Variants in TRDN observed in about 807,000 individuals in gnomAD.
The protein encoded by TRDN is triadin.
Under a neutral mutation model 149.7 loss-of-function variants are expected in TRDN, and 161 were observed. That is an observed-to-expected ratio of 1.08 (90% CI 0.95 to 1.23). The LOEUF (loss-of-function observed/expected upper bound fraction) is 1.23, where lower values mean the gene tolerates loss of function less well. TRDN is among the 50% of genes most tolerant of loss of function. The pLI is 0.00. For synonymous variants in TRDN, 294 were observed against 250.5 expected, an observed-to-expected ratio of 1.17 and a Z score of -1.64; for missense variants, 896 against 823.5, an observed-to-expected ratio of 1.09 and a Z score of -1.08.
intron 12 of TRDN, among the ~76,000 whole-genome samples, chr6:123,400,685 G>T (rs1382149393): frequency 6.6e-6 from 1 of 152,156 alleles, no homozygotes; most frequent in Non-Finnish European, 1.5e-5. Flanking sequence ...ATATAAGGTA[G>T]AGAGAGTGCT....
At chr6:123,359,570 G>T (rs950918800) in intron 20 of TRDN, among the ~76,000 whole-genome samples, 2 of 152,180 alleles carry the variant, frequency 1.3e-5, no homozygotes, top group Non-Finnish European at 2.9e-5. Context: ...ATGAAGGCTT[G>T]AATTAGTATG....
At chr6:123,270,217 A>C (rs1389593562) in intron 30 of TRDN, among the ~76,000 whole-genome samples, 1 of 152,026 alleles carries the variant, frequency 6.6e-6, no homozygotes. Context: ...ACATTTACTA[A>C]AATTATAAAC....
chr6:123,274,375 TA>T (rs1270977930), intron 27 of TRDN, among the ~76,000 whole-genome samples: 3 of 152,158 alleles, frequency 2.0e-5, no homozygotes, highest in South Asian at 2.1e-4. Context: ...ATTAATTTCA[TA>T]AAAACCTTAG....
intron 10 of TRDN, among the ~76,000 whole-genome samples, chr6:123,455,843 C>T (rs887561390): frequency 5.3e-5 from 8 of 152,084 alleles, no homozygotes; most frequent in African/African-American, 1.9e-4. Flanking sequence ...CATAAAATTA[C>T]TGTTTCCATA....
chr6:123,501,963 T>A, intron 8 of TRDN: 2 of 985,094 alleles, frequency 2.0e-6, no homozygotes, highest in South Asian at 4.7e-5. Context: ...GGCTCCCAAA[T>A]CCCCAAAGAT....
intron 24 of TRDN, among the ~76,000 whole-genome samples, chr6:123,301,071 G>T (rs951664730): frequency 6.6e-6 from 1 of 151,824 alleles, no homozygotes; most frequent in African/African-American, 2.4e-5. Flanking sequence ...CTACTCTAAG[G>T]AATATGGAGT....
At chr6:123,467,579 T>C (rs947481223) in intron 9 of TRDN, among the ~76,000 whole-genome samples, 6 of 152,050 alleles carry the variant, frequency 3.9e-5, no homozygotes. Flanking sequence ...CCTGTCTCCA[T>C]GGTGACAGTG....
intron 21 of TRDN, among the ~76,000 whole-genome samples, chr6:123,345,452 A>C (rs759660455): frequency 1.3e-5 from 2 of 151,844 alleles, no homozygotes; most frequent in Non-Finnish European, 2.9e-5. Flanking sequence ...TACTGTCCTG[A>C]TTACTGTATT....
At chr6:123,570,350 A>C (rs1047265809) in intron 2 of TRDN, among the ~76,000 whole-genome samples, 2 of 152,234 alleles carry the variant, frequency 1.3e-5, no homozygotes, top group Non-Finnish European at 2.9e-5. Context: ...AGTTTAAAAT[A>C]TGTAAAATAT....
chr6:123,593,661 T>C (rs1783896385), intron 1 of TRDN, among the ~76,000 whole-genome samples: 2 of 152,180 alleles, frequency 1.3e-5, no homozygotes, highest in Non-Finnish European at 2.9e-5. Flanking sequence ...ATTTCCCCTT[T>C]CCATAAGGAT....
chr6:123,545,659 T>G (rs925345661), intron 4 of TRDN, among the ~76,000 whole-genome samples: 1 of 151,946 alleles, frequency 6.6e-6, no homozygotes, highest in Non-Finnish European at 1.5e-5. Context: ...AGGACATTAG[T>G]GCACATGTGT....
At chr6:123,423,048 A>G (rs1773976232) in intron 12 of TRDN, among the ~76,000 whole-genome samples, 7 of 152,182 alleles carry the variant, frequency 4.6e-5, no homozygotes, top group Admixed American at 4.6e-4. Context: ...CGTTATGGGT[A>G]GCTGTGTCTA....
chr6:123,501,845 G>A (rs1305519662), intron 8 of TRDN: 1 of 922,848 alleles, frequency 1.1e-6, no homozygotes, highest in Non-Finnish European at 1.3e-6. Flanking sequence ...ATATAATGCT[G>A]TCTTTAATAA....
intron 10 of TRDN, among the ~76,000 whole-genome samples, chr6:123,448,406 G>A (rs1775533099): frequency 6.6e-6 from 1 of 152,252 alleles, no homozygotes; most frequent in African/African-American, 2.4e-5. Flanking sequence ...GACATGGTGG[G>A]AGTGAGACTG....
intron 24 of TRDN, among the ~76,000 whole-genome samples, chr6:123,294,118 T>C (rs1433124173): frequency 6.6e-6 from 1 of 152,152 alleles, no homozygotes; most frequent in African/African-American, 2.4e-5. Context: ...GTTGGATTAT[T>C]TACCGGCTGA....
In TRDN at chr6:123,346,734, T is replaced by C. The variant is rs1562271629; in HGVS notation, c.1369+5805A>G. On this transcript the variant is annotated intron_variant, in intron 21 of 40. Transcript: ENST00000334268. The stretch of plus-strand genomic sequence containing the variant: ...CCATATTATATTTAATAGATATTTG[T>C]TGAGTGTCTCTTTTCTACTGAGAGC... Among the ~76,000 whole-genome samples the C allele has an allele frequency of 2.6e-5, 4 of 152,118 alleles. No individual in the cohort carries two copies. In the South Asian group the frequency reaches 8.3e-4, roughly 32 times the overall value.
intron 19 of TRDN, among the ~76,000 whole-genome samples, chr6:123,372,138 T>G (rs1781348923): frequency 6.6e-6 from 1 of 152,108 alleles, no homozygotes; most frequent in Non-Finnish European, 1.5e-5. Flanking sequence ...CGGAGACTTC[T>G]GCCATTTCCA....
intron 1 of TRDN, among the ~76,000 whole-genome samples, chr6:123,632,952 TA>T (rs752862481): frequency 1.3e-5 from 2 of 152,150 alleles, no homozygotes; most frequent in Non-Finnish European, 2.9e-5. Flanking sequence ...ATTTTTGCTC[TA>T]AATTTTGAAT....
At chr6:123,499,719 AATATATATAT>A (rs71272328) in intron 8 of TRDN, among the ~76,000 whole-genome samples, 3 of 47,678 alleles carry the variant, frequency 6.3e-5, no homozygotes, top group African/African-American at 1.4e-4. Flanking sequence ...AAAAAAAAAA[AATATATATAT>A]ATATATATAT....
Sources: allele counts gnomAD v4.1 joint callset (sites outside exome capture counted in the v4.1 genomes callset), GRCh38; gene constraint gnomAD v4.1.1; transcripts MANE v1.5; gene names NCBI Gene and HGNC (gene_info 2026-07-23, HGNC 2026-07-21).